The following SNX14 variants were observed in gnomAD, a reference collection of about 807,000 sequenced individuals.
SNX14 encodes the protein sorting nexin-14.
SNX14 carries 93 observed loss-of-function variants against 133.8 expected under a neutral mutation model. That is an observed-to-expected ratio of 0.70 (90% CI 0.59 to 0.83). The LOEUF is 0.83. SNX14 is among the 40% of genes least tolerant of loss of function. SNX14 has a pLI of 0.00. For missense variants in SNX14, 945 were observed against 1,094.9 expected, an observed-to-expected ratio of 0.86 and a Z score of 1.93; for synonymous variants, 368 against 365.6, an observed-to-expected ratio of 1.01 and a Z score of -0.07.
At chr6:85,580,295 T>C (rs1451852377) in intron 1 of SNX14, among the ~76,000 whole-genome samples, 1 of 151,990 alleles carries the variant, frequency 6.6e-6, no homozygotes, top group Non-Finnish European at 1.5e-5. Context: ...GGATTCATCG[T>C]CTGCTGACTA....
Position 85,574,059 on chromosome 6 carries a change from TATA to T in SNX14, c.261+196_261+198del, listed in dbSNP as rs10617710. On this transcript the variant is annotated intron_variant, in intron 2 of 28. Coordinates refer to ENST00000314673, the MANE Select transcript of SNX14 (RefSeq NM_153816.6). ...TTAAATAAAATTGGATGGATTTTTT[TATA>T]ATAATAAAATCATTTTATAATAAAA... 0.46 allele frequency among the ~76,000 whole-genome samples: 68,917 copies of T among 148,878 alleles called. 17,259 individuals carry two copies. Among genetic ancestry groups the T allele is most frequent in the Middle Eastern group, 0.59 (168 of 284 alleles).
chr6:85,563,806 T>C (rs1188133394), intron 6 of SNX14, among the ~76,000 whole-genome samples: 1 of 152,172 alleles, frequency 6.6e-6, no homozygotes, highest in East Asian at 1.9e-4. Flanking sequence ...AGTTCTAGGG[T>C]ACATGTGCAC....
intron 7 of SNX14, among the ~76,000 whole-genome samples, chr6:85,553,646 C>A (rs1788602322): frequency 6.6e-6 from 1 of 152,060 alleles, no homozygotes; most frequent in South Asian, 2.1e-4. Context: ...ATTAGCCAGG[C>A]GTGATGGCAG....
intron 21 of SNX14, among the ~76,000 whole-genome samples, chr6:85,522,259 C>T (rs924013119): frequency 2.0e-5 from 3 of 152,152 alleles, no homozygotes; most frequent in African/African-American, 7.2e-5. Context: ...GTTTGGGGAT[C>T]TCTGTTCTGT....
intron 15 of SNX14, among the ~76,000 whole-genome samples, chr6:85,541,427 A>ATT (rs1453059911): frequency 1.3e-5 from 2 of 152,230 alleles, no homozygotes; most frequent in African/African-American, 2.4e-5. Context: ...CTATAAATCT[A>ATT]CAGAATAGAT....
At chr6:85,512,464 A>G (rs991104485) in intron 26 of SNX14, among the ~76,000 whole-genome samples, 1 of 152,096 alleles carries the variant, frequency 6.6e-6, no homozygotes, top group Non-Finnish European at 1.5e-5. Context: ...TCCACTAAAA[A>G]TACAAAAATT....
At chr6:85,583,380 C>G (rs371511035) in intron 1 of SNX14, among the ~76,000 whole-genome samples, 2 of 152,146 alleles carry the variant, frequency 1.3e-5, no homozygotes, top group African/African-American at 4.8e-5. Context: ...CTATTCAACA[C>G]AGTATTGTAA....
intron 5 of SNX14, among the ~76,000 whole-genome samples, chr6:85,566,979 CT>C (rs1253475777): frequency 2.0e-5 from 3 of 151,812 alleles, no homozygotes; most frequent in Non-Finnish European, 4.4e-5. Flanking sequence ...AACAAAGGTA[CT>C]TGGGGAAAAA....
chr6:85,548,455 G>GT (rs1786523530), intron 8 of SNX14, 79 bp from the exon 9 acceptor site: 4 of 1,079,220 alleles, frequency 3.7e-6, no homozygotes, highest in South Asian at 3.1e-5. Flanking sequence ...TGTGAATTAC[G>GT]TAAGGATCTT....
intron 5 of SNX14, among the ~76,000 whole-genome samples, chr6:85,565,767 GAATT>G (rs1793622429): frequency 6.6e-6 from 1 of 152,108 alleles, no homozygotes; most frequent in South Asian, 2.1e-4. Context: ...AGAAGCAATA[GAATT>G]AATACAAAAT....
chr6:85,521,555 G>C (rs932616822), intron 21 of SNX14, among the ~76,000 whole-genome samples: 4 of 152,092 alleles, frequency 2.6e-5, no homozygotes, highest in African/African-American at 9.7e-5. Context: ...AGGTTAAATA[G>C]TTGCAAAACA....
chr6:85,508,340 A>G (rs1771489595), intron 26 of SNX14: 9 of 1,039,036 alleles, frequency 8.7e-6, no homozygotes, highest in Non-Finnish European at 1.1e-5. Flanking sequence ...AAAAAAAAAA[A>G]TCTGCTAGTT....
chr6:85,555,831 A>G (rs1031261328), intron 7 of SNX14, among the ~76,000 whole-genome samples: 11 of 151,972 alleles, frequency 7.2e-5, no homozygotes, highest in African/African-American at 2.7e-4. Flanking sequence ...CTCTACTAAA[A>G]ATACAAAATA....
chr6:85,567,272 T>C, intron 5 of SNX14, among the ~76,000 whole-genome samples: 1 of 152,212 alleles, frequency 6.6e-6, no homozygotes, highest in South Asian at 2.1e-4. Flanking sequence ...CCAGGTCATA[T>C]CTGGCAACCT....
intron 4 of SNX14, among the ~76,000 whole-genome samples, chr6:85,568,966 CTTT>C (rs369775673): frequency 6.8e-6 from 1 of 147,490 alleles, no homozygotes. Context: ...CTTTTCTTTT[CTTT>C]TTTTTTTTTT....
At chr6:85,518,580 T>C (rs1052737194) in intron 21 of SNX14, among the ~76,000 whole-genome samples, 1 of 152,182 alleles carries the variant, frequency 6.6e-6, no homozygotes, top group Admixed American at 6.5e-5. Context: ...TCCCTTAATT[T>C]GAAACATCAA....
intron 23 of SNX14, 44 bp downstream of exon 23, chr6:85,517,712 G>T (rs1234630786): frequency 2.0e-6 from 3 of 1,538,284 alleles, no homozygotes; most frequent in African/African-American, 1.4e-5. Context: ...ATCTCAAGTA[G>T]GGCAACTTAA....
At chr6:85,546,465 T>C (rs1371885671) in intron 12 of SNX14, among the ~76,000 whole-genome samples, 1 of 152,212 alleles carries the variant, frequency 6.6e-6, no homozygotes, top group Non-Finnish European at 1.5e-5. Flanking sequence ...TATTTGATAA[T>C]TTAGTCAAAA....
chr6:85,559,781 T>G (rs533342430), intron 6 of SNX14, among the ~76,000 whole-genome samples: 10 of 152,312 alleles, frequency 6.6e-5, no homozygotes, highest in African/African-American at 2.4e-4. Flanking sequence ...TCCATATAAG[T>G]AACTTTTACA....
Sources: allele counts gnomAD v4.1 joint callset (sites outside exome capture counted in the v4.1 genomes callset), GRCh38; gene constraint gnomAD v4.1.1; transcripts MANE v1.5; gene names NCBI Gene and HGNC (gene_info 2026-07-23, HGNC 2026-07-21).